The following UPP2 variants were observed in gnomAD, a reference collection of about 807,000 sequenced individuals.
The protein encoded by UPP2 is uridine phosphorylase 2, also known as UPase 2.
UPP2 carries 23 observed loss-of-function variants against 26.7 expected under a neutral mutation model. The ratio of observed to expected loss-of-function variants is 0.86; its 90% CI spans 0.62 to 1.22. The LOEUF is 1.22. Among genes scored for constraint, UPP2 ranks in the 50% most tolerant of loss-of-function variants. The probability of loss-of-function intolerance (pLI) is 0.00; values close to 1 mark genes in which losing one functional copy is unlikely to be tolerated. For synonymous variants in UPP2, 127 were observed against 141.3 expected (o/e 0.90, Z 0.72); for missense variants, 387 against 396.7 (o/e 0.98, Z 0.21).
chr2:158,111,167 C>G (rs1683311842), intron 2 of UPP2, among the ~76,000 whole-genome samples: 1 of 152,216 alleles, frequency 6.6e-6, no homozygotes, highest in South Asian at 2.1e-4. Flanking sequence ...TTGCCGATTC[C>G]CTTTCCATAA....
chr2:158,005,314 T>C (rs900833060), intron 2 of UPP2, among the ~76,000 whole-genome samples: 1 of 152,246 alleles, frequency 6.6e-6, no homozygotes, highest in East Asian at 1.9e-4. Flanking sequence ...TTGCAAGCCA[T>C]GCTAAGCATT....
intron 2 of UPP2, among the ~76,000 whole-genome samples, chr2:158,014,266 G>T (rs981998994): frequency 1.3e-5 from 2 of 152,212 alleles, no homozygotes; most frequent in African/African-American, 4.8e-5. Flanking sequence ...AGGAGGTCTG[G>T]TGGAATCAAT....
chr2:158,116,150 A>T (rs552160436), intron 3 of UPP2, among the ~76,000 whole-genome samples: 1 of 152,324 alleles, frequency 6.6e-6, no homozygotes, highest in South Asian at 2.1e-4. Context: ...CCAATAAGGC[A>T]GCTAAATTGC....
At chr2:158,039,811 T>G (rs1179821652) in intron 3 of UPP2, among the ~76,000 whole-genome samples, 1 of 152,186 alleles carries the variant, frequency 6.6e-6, no homozygotes, top group Non-Finnish European at 1.5e-5. Flanking sequence ...CCGACCAAAG[T>G]CTAGTCAAAT....
At chr2:158,020,453 C>G (rs1026417383) in intron 3 of UPP2, among the ~76,000 whole-genome samples, 2 of 152,206 alleles carry the variant, frequency 1.3e-5, no homozygotes, top group African/African-American at 4.8e-5. Flanking sequence ...GACTGGACGG[C>G]AGGGTGGAGC....
intron 2 of UPP2, among the ~76,000 whole-genome samples, chr2:157,996,408 T>C (rs551505431): frequency 1.1e-4 from 17 of 152,354 alleles, no homozygotes; most frequent in African/African-American, 3.8e-4. Context: ...ACTTGTTTAC[T>C]CCCTATTGAA....
At chr2:158,058,201 G>A (rs925111698) in intron 3 of UPP2, among the ~76,000 whole-genome samples, 5 of 151,362 alleles carry the variant, frequency 3.3e-5, no homozygotes. Flanking sequence ...GCTGAGGCAG[G>A]AGAATGGCAT....
intron 2 of UPP2, among the ~76,000 whole-genome samples, chr2:158,113,738 T>C (rs1683366022): frequency 6.6e-6 from 1 of 152,210 alleles, no homozygotes; most frequent in South Asian, 2.1e-4. Flanking sequence ...AGATATTCTT[T>C]ATCCCTGTGA....
intron 3 of UPP2, among the ~76,000 whole-genome samples, chr2:158,069,902 T>G (rs1300540199): frequency 6.6e-6 from 1 of 152,152 alleles, no homozygotes; most frequent in Admixed American, 6.5e-5. Context: ...ACAAGAAGAC[T>G]GCTGACTTCT....
intron 3 of UPP2, among the ~76,000 whole-genome samples, chr2:158,089,893 A>G (rs191813218): frequency 2.0e-5 from 3 of 152,226 alleles, no homozygotes; most frequent in African/African-American, 7.2e-5. Context: ...ACTTCCTTCA[A>G]AGGGTCTGTG....
chr2:157,998,505 A>G (rs532134623), intron 2 of UPP2, among the ~76,000 whole-genome samples: 2 of 152,208 alleles, frequency 1.3e-5, no homozygotes, highest in South Asian at 4.2e-4. Context: ...CTTTCTTTTC[A>G]TTAACATTTA....
At chr2:158,068,765 A>AATACATATAT (rs1682477832) in intron 3 of UPP2, among the ~76,000 whole-genome samples, 2 of 31,700 alleles carry the variant, frequency 6.3e-5, no homozygotes. Flanking sequence ...TTCAAATTCA[A>AATACATATAT]ATATATATAT....
In UPP2 at chr2:158,107,041, C is replaced by T. The variant is rs150072542; in HGVS notation, c.180+825C>T. Among the ~76,000 whole-genome samples the T allele has an allele frequency of 7.9e-4, 120 of 152,288 alleles. 2 individuals carry two copies. Among genetic ancestry groups the T allele is most frequent in the African/African-American group, 2.6e-3 (109 of 41,560 alleles). ...GTGTCAAGTGGTGTACCACACATTA[C>T]AGAGACTATTACTGAGTTTTATGTT... On this transcript the variant is annotated intron_variant, in intron 2 of 6. Coordinates refer to ENST00000005756, the MANE Select transcript of UPP2 (RefSeq NM_173355.4).
intron 3 of UPP2, among the ~76,000 whole-genome samples, chr2:158,084,467 TC>T (rs1352872723): frequency 1.8e-4 from 27 of 152,216 alleles, no homozygotes. Flanking sequence ...GCTGATTGTT[TC>T]TTTTGCTGTG....
intron 3 of UPP2, among the ~76,000 whole-genome samples, chr2:158,023,905 T>C (rs1177903599): frequency 1.3e-5 from 2 of 152,122 alleles, no homozygotes; most frequent in Non-Finnish European, 2.9e-5. Flanking sequence ...TCTCTTGAGC[T>C]CTCTTCAGCT....
intron 3 of UPP2, among the ~76,000 whole-genome samples, chr2:158,092,083 G>A (rs1033465835): frequency 6.6e-6 from 1 of 152,080 alleles, no homozygotes; most frequent in African/African-American, 2.4e-5. Flanking sequence ...TTTTATTGCC[G>A]AGAGACAAAT....
At chr2:158,129,817 ACACAGTGGTATGAC>A (rs1007698356) in intron 6 of UPP2, among the ~76,000 whole-genome samples, 1 of 151,832 alleles carries the variant, frequency 6.6e-6, no homozygotes, top group African/African-American at 2.4e-5. Flanking sequence ...TCAGATTGGA[ACACAGTGGTATGAC>A]CACAGCTCAC....
chr2:158,068,040 GAATA>G (rs2105184285), intron 3 of UPP2, among the ~76,000 whole-genome samples: 1 of 152,146 alleles, frequency 6.6e-6, no homozygotes, highest in South Asian at 2.1e-4. Context: ...AAATAACTTT[GAATA>G]ATCTTTTTTC....
chr2:158,074,936 C>G (rs1031435717), intron 3 of UPP2, among the ~76,000 whole-genome samples: 2 of 150,116 alleles, frequency 1.3e-5, no homozygotes, highest in African/African-American at 4.9e-5. Context: ...AAAAGACATT[C>G]GATGCAAATG....
Sources: allele counts gnomAD v4.1 joint callset (sites outside exome capture counted in the v4.1 genomes callset), GRCh38; gene constraint gnomAD v4.1.1; transcripts MANE v1.5; gene names NCBI Gene and HGNC (gene_info 2026-07-23, HGNC 2026-07-21).